Variants in TTLL12 observed in about 807,000 individuals in gnomAD.
TTLL12 encodes the protein tubulin tyrosine ligase like 12, also known as tubulin--tyrosine ligase-like protein 12.
A neutral mutation model predicts 79.6 loss-of-function variants in TTLL12; 77 were observed. That is an observed-to-expected ratio of 0.97 (90% CI 0.81 to 1.17). TTLL12 has a LOEUF of 1.17. Among genes scored for constraint, TTLL12 ranks in the 50% most tolerant of loss-of-function variants. The probability of loss-of-function intolerance (pLI) is 0.00; values close to 1 mark genes in which losing one functional copy is unlikely to be tolerated. For synonymous variants in TTLL12, 437 were observed against 376.1 expected (o/e 1.16, Z -1.87); for missense variants, 969 against 895.9 (o/e 1.08, Z -1.04).
chr22:43,183,898 A>T (rs1349250577), intron 1 of TTLL12, among the ~76,000 whole-genome samples: 1 of 152,254 alleles, frequency 6.6e-6, no homozygotes, highest in East Asian at 1.9e-4. Context: ...ACCACTTCCT[A>T]GACAAGTGAC....
rs746662591 is a variant in TTLL12, at chr22:43,172,415, C to T, written c.1481G>A (p.Arg494Gln). The T allele has an allele frequency of 7.4e-6, 12 of 1,613,992 alleles. No individual in the cohort carries two copies. The highest frequency in any genetic ancestry group is 3.3e-5 in the South Asian group (3 of 91,092). The change falls in exon 10 of 14, where the codon CGG (arginine) becomes CAG (glutamine). Residue 494 changes from arginine to glutamine, a missense_variant. Coordinates refer to ENST00000216129, the MANE Select transcript of TTLL12 (RefSeq NM_015140.4). ...GCCCTCCACTTACCGGTTGGAGAAC[C>T]GCAGCCAGAACACATCATACACGAA... is the stretch of plus-strand genomic sequence containing the variant. Reference protein sequence around the residue: ...RLFVYDVFWLRFSNRAFALND... With the variant: ...RLFVYDVFWLQFSNRAFALND...
chr22:43,167,951 T>C lies in TTLL12; in HGVS notation c.*57A>G. 6.3e-7 allele frequency: 1 copy of C among 1,582,444 alleles called. No individual in the cohort carries two copies. The highest frequency in any genetic ancestry group is 8.6e-7 in the Non-Finnish European group (1 of 1,160,686). On this transcript the variant is annotated 3_prime_UTR_variant, in exon 14 of 14. Transcript: ENST00000216129. Reference sequence around the variant, plus strand: ...ACATGGGGGCCTTTGCAGAAGCAGCTCAGAGAACTGAGGTTGGAATCCTGC... The same window carrying C: ...ACATGGGGGCCTTTGCAGAAGCAGCCCAGAGAACTGAGGTTGGAATCCTGC...
At chr22:43,185,830 C>G (rs114619671) in intron 1 of TTLL12, 4,526 of 442,596 alleles carry the variant, frequency 0.01, 191 homozygotes, top group African/African-American at 0.079. Flanking sequence ...CCTTTTTGTC[C>G]TCATGAACAA....
chr22:43,187,107 C>G lies in TTLL12; in HGVS notation c.-38G>C. On this transcript the variant is annotated 5_prime_UTR_variant, in exon 1 of 14. Transcript: ENST00000216129. ...CGCGCCGACTCCAGCGCCGCCACCG[C>G]CGCCGCCGCCCGCCGTCCGTCGGCC... is the stretch of plus-strand genomic sequence containing the variant. The G allele has an allele frequency of 9.4e-7, 1 of 1,069,366 alleles. No homozygotes were observed. The highest frequency in any genetic ancestry group is 1.1e-6 in the Non-Finnish European group (1 of 887,274). 66.2% of individuals were successfully genotyped at this position (1,069,366 alleles called of 1,614,324 possible). A position where few individuals can be genotyped will look rare whatever the true frequency, so the allele number is the denominator to read the frequency against.
In TTLL12 at chr22:43,187,032, T is replaced by C. The variant is rs1384080253; in HGVS notation, c.38A>G (p.Glu13Gly). 4.4e-5 allele frequency: 53 copies of C among 1,206,934 alleles called. No individual in the cohort carries two copies. The highest frequency in any genetic ancestry group is 5.0e-5 in the Non-Finnish European group (49 of 972,072). 74.8% of individuals were successfully genotyped at this position (1,206,934 alleles called of 1,614,324 possible). A position where few individuals can be genotyped will look rare whatever the true frequency, so the allele number is the denominator to read the frequency against. Residue 13 changes from glutamate (E) to glycine (G), a missense_variant, in exon 1 of 14, where the codon GAG becomes GGG. Physicochemically the swap from Glu to Gly is moderately conservative, Grantham distance 98. Coordinates refer to ENST00000216129, the MANE Select transcript of TTLL12 (RefSeq NM_015140.4). ...AERGPERRPA[E>G]RSSPGQTPEE... ...CGGCGTCTGGCCCGGGCTGCTACGCTCCGCAGGCCGGCGCTCGGGACCCCG... is the reference window on the plus strand; with the variant it reads ...CGGCGTCTGGCCCGGGCTGCTACGCCCCGCAGGCCGGCGCTCGGGACCCCG...
intron 5 of TTLL12, 97 bp from the exon 6 acceptor site, chr22:43,176,493 G>A: frequency 1.0e-6 from 1 of 956,962 alleles, no homozygotes; most frequent in Non-Finnish European, 1.7e-6. Flanking sequence ...ACTTTGAGAG[G>A]GTGAGGCAGG....
rs1451854885 is a variant in TTLL12 at position 43,167,176 on chromosome 22, C to T, written c.*832G>A. On this transcript the variant is annotated 3_prime_UTR_variant, in exon 14 of 14. Coordinates refer to ENST00000216129, the MANE Select transcript of TTLL12 (RefSeq NM_015140.4). The stretch of plus-strand genomic sequence containing the variant: ...AATCCTTTTCTGTCTGGCGCTCCAC[C>T]GCCCACAATCAGCCCCAGCCCCAGG... 5 of 531,744 alleles carry T rather than the reference C, an allele frequency of 9.4e-6. No individual in the cohort carries two copies. The highest frequency in any genetic ancestry group is 2.8e-5 in the South Asian group (2 of 71,164). The allele number at this position is 531,744 out of a possible 1,614,324, so 32.9% of individuals were successfully genotyped here. A position where few individuals can be genotyped will look rare whatever the true frequency, so the allele number is the denominator to read the frequency against.
chr22:43,179,694 C>T lies in TTLL12; in HGVS notation c.765G>A (p.Met255Ile), dbSNP rs137974511. 2.9e-5 allele frequency: 46 copies of T among 1,570,988 alleles called. No homozygotes were observed. The African/African-American group carries it at 5.6e-4, about 19-fold the overall frequency. ...TGTCGGTGGGGGCCCAGGGCAGCAG[C>T]ATGCACTTCCGGATCAGGGGGTCCG... The part of the protein sequence containing the change: ...GETDPLIRKC[M>I]LLPWAPTDML... The change falls in exon 5 of 14, where the codon ATG (methionine) becomes ATA (isoleucine). Residue 255 changes from methionine (M) to isoleucine (I), a missense_variant. Physicochemically the swap from Met to Ile is conservative, Grantham distance 10. Transcript: ENST00000216129.
chr22:43,173,880 G>T, intron 8 of TTLL12, 54 bp from the exon 9 acceptor site: 1 of 1,527,362 alleles, frequency 6.5e-7, no homozygotes, highest in Non-Finnish European at 8.9e-7. Context: ...TTCCCAGATG[G>T]TGCCACCCCA....
chr22:43,179,757 G>T lies in TTLL12; in HGVS notation c.707-5C>A. On this transcript the variant is annotated splice_region_variant and splice_polypyrimidine_tract_variant and intron_variant, in intron 4 of 13. Transcript: ENST00000216129. The stretch of plus-strand genomic sequence containing the variant: ...CAAAGTCTCGGGTCACCTCCTCTGT[G>T]CCAAGACATGAGTGCCCATCAGAGG... 6.4e-7 allele frequency: 1 copy of T among 1,560,428 alleles called. No homozygotes were observed. The highest frequency in any genetic ancestry group is 8.7e-7 in the Non-Finnish European group (1 of 1,151,562).
chr22:43,173,864 C>A (rs754466749), intron 8 of TTLL12, 38 bp from the exon 9 acceptor site: 2 of 1,570,344 alleles, frequency 1.3e-6, no homozygotes, highest in Non-Finnish European at 1.7e-6. Context: ...GCGCCTGGGG[C>A]CTGTGTTCCC....
Position 43,167,292 on chromosome 22 carries a change from T to C in TTLL12, c.*716A>G, listed in dbSNP as rs775368043. 33 of 468,940 alleles carry C rather than the reference T, an allele frequency of 7.0e-5. No homozygotes were observed. The highest frequency in any genetic ancestry group is 1.4e-4 in the Admixed American group (6 of 42,516). The allele number at this position is 468,940 out of a possible 1,614,324, so 29.0% of individuals were successfully genotyped here. A position where few individuals can be genotyped will look rare whatever the true frequency, so the allele number is the denominator to read the frequency against. ...GCAGGGCAACCACTGGGAAGACAGA[T>C]ACTGATTTCCCTGTTGGGGTCTGTG... On this transcript the variant is annotated 3_prime_UTR_variant, in exon 14 of 14. Coordinates refer to ENST00000216129, the MANE Select transcript of TTLL12 (RefSeq NM_015140.4).
Position 43,168,874 on chromosome 22 carries a change from C to T in TTLL12, c.1683G>A (p.Val561=). ...CCAGGGGTGGTGGCTTGGCACAGGC[C>T]ACCTGGAACAGCTCCGTGAAGGCCC... ...IFRAFTELFQ[V]ACAKPPPLGL... The change falls in exon 13 of 14, where the codon GTG becomes GTA. Residue 561 remains valine (V), a synonymous_variant. Transcript: ENST00000216129. 6.2e-7 allele frequency: 1 copy of T among 1,611,054 alleles called. No individual in the cohort carries two copies. Among genetic ancestry groups the T allele is most frequent in the Non-Finnish European group, 8.5e-7 (1 of 1,179,040 alleles).
chr22:43,186,948 G>A lies in TTLL12; in HGVS notation c.122C>T (p.Ala41Val). 1.5e-6 allele frequency: 2 copies of A among 1,366,230 alleles called. No individual in the cohort carries two copies. The highest frequency in any genetic ancestry group is 9.5e-7 in the Non-Finnish European group (1 of 1,056,266). The allele number at this position is 1,366,230 out of a possible 1,614,324, so 84.6% of individuals were successfully genotyped here. A position where few individuals can be genotyped will look rare whatever the true frequency, so the allele number is the denominator to read the frequency against. ...CCAGTAACGTTCGGGGACCCCCGAA[G>A]CGCGCAGCGCCGGGCCGTGCAGCGC... ...FAALHGPALR[A>V]SGVPERYWGR... The change falls in exon 1 of 14, where the codon GCT becomes GTT. Residue 41 changes from alanine (A) to valine (V), a missense_variant. By Grantham distance (64) the Ala-to-Val change is moderately conservative (BLOSUM62 0). Coordinates refer to ENST00000216129, the MANE Select transcript of TTLL12 (RefSeq NM_015140.4).
chr22:43,178,079 T>G (rs1931959260), intron 5 of TTLL12, among the ~76,000 whole-genome samples: 1 of 152,180 alleles, frequency 6.6e-6, no homozygotes, highest in South Asian at 2.1e-4. Context: ...TCCCTCCAGT[T>G]GCATCCACGA....
chr22:43,167,965 T>C lies in TTLL12; in HGVS notation c.*43A>G, dbSNP rs747619379. The C allele has an allele frequency of 1.3e-6, 2 of 1,593,086 alleles. No individual in the cohort carries two copies. Among genetic ancestry groups the C allele is most frequent in the South Asian group, 2.2e-5 (2 of 88,934 alleles). On this transcript the variant is annotated 3_prime_UTR_variant, in exon 14 of 14. Transcript: ENST00000216129. ...GCAGAAGCAGCTCAGAGAACTGAGG[T>C]TGGAATCCTGCCCCAAGCACAGGTT...
intron 2 of TTLL12, 136 bp downstream of exon 2, chr22:43,182,844 G>T: frequency 8.2e-7 from 1 of 1,214,444 alleles, no homozygotes; most frequent in Non-Finnish European, 1.1e-6. Context: ...CACACCGCTG[G>T]CCACACGTGC....
intron 5 of TTLL12, 107 bp from the exon 6 acceptor site, chr22:43,176,503 G>T: frequency 1.2e-6 from 1 of 863,994 alleles, no homozygotes; most frequent in South Asian, 1.4e-5. Flanking sequence ...GGTGAGGCAG[G>T]TGGATCACGT....
At chr22:43,181,425 C>A (rs189147874) in intron 2 of TTLL12, among the ~76,000 whole-genome samples, 1 of 152,246 alleles carries the variant, frequency 6.6e-6, no homozygotes, top group Non-Finnish European at 1.5e-5. Context: ...CAGAGGCCAA[C>A]GCACACAGAC....
Sources: gnomAD v4.1 joint callset for allele counts (sites outside exome capture counted in the v4.1 genomes callset) on GRCh38, gnomAD v4.1.1 for gene constraint, MANE v1.5 for transcripts, NCBI Gene and HGNC (gene_info 2026-07-23, HGNC 2026-07-21) for gene names.